LRRIQ1: variants seen among roughly 807,000 people sequenced by gnomAD.
LRRIQ1 encodes leucine-rich repeat- and IQ domain-containing protein 1.
In LRRIQ1, 210 loss-of-function variants were observed where a neutral mutation model predicts 211.9. The ratio of observed to expected loss-of-function variants is 0.99; its 90% CI spans 0.89 to 1.11. LRRIQ1 has a LOEUF of 1.11. Ranked by LOEUF, LRRIQ1 falls within the 50% of genes most tolerant of loss-of-function variation. LRRIQ1 has a pLI of 0.00. For synonymous variants in LRRIQ1, 699 were observed against 650.1 expected (o/e 1.08, Z -1.14); for missense variants, 2,136 against 1,939.5 (o/e 1.10, Z -1.90).
At chr12:85,179,112 A>G (rs1207231462) in intron 24 of LRRIQ1, among the ~76,000 whole-genome samples, 2 of 151,954 alleles carry the variant, frequency 1.3e-5, no homozygotes, top group African/African-American at 4.8e-5. Flanking sequence ...CTTTTTATTT[A>G]TACCATAAAG....
At chr12:85,233,239 G>A (rs779086955) in intron 26 of LRRIQ1, among the ~76,000 whole-genome samples, 7 of 152,026 alleles carry the variant, frequency 4.6e-5, no homozygotes, top group African/African-American at 7.2e-5. Context: ...GAATAAAGAC[G>A]CTATGCAGTA....
intron 24 of LRRIQ1, among the ~76,000 whole-genome samples, chr12:85,190,664 C>T (rs1440536212): frequency 2.0e-5 from 3 of 151,576 alleles, no homozygotes; most frequent in Non-Finnish European, 2.9e-5. Flanking sequence ...TGTAACTCTA[C>T]CACTTTAAAT....
At chr12:85,156,790 C>T (rs914373098) in intron 23 of LRRIQ1, among the ~76,000 whole-genome samples, 1 of 149,172 alleles carries the variant, frequency 6.7e-6, no homozygotes, top group African/African-American at 2.6e-5. Context: ...AAAACTGCTG[C>T]GAGACTAACT....
chr12:85,162,255 A>G (rs1890925583), intron 24 of LRRIQ1, among the ~76,000 whole-genome samples: 1 of 152,156 alleles, frequency 6.6e-6, no homozygotes, highest in Non-Finnish European at 1.5e-5. Context: ...ATATTTATGG[A>G]TTAATATTTT....
chr12:85,115,987 A>C (rs1887542268), intron 15 of LRRIQ1, among the ~76,000 whole-genome samples: 1 of 152,264 alleles, frequency 6.6e-6, no homozygotes, highest in Admixed American at 6.5e-5. Flanking sequence ...TGTACTCTCT[A>C]AATTCAGAGT....
chr12:85,171,442 C>T (rs373665220), intron 24 of LRRIQ1, among the ~76,000 whole-genome samples: 1 of 152,076 alleles, frequency 6.6e-6, no homozygotes, highest in Admixed American at 6.6e-5. Context: ...ACAATAAAAA[C>T]CACATCTTGG....
chr12:85,060,043 C>G (rs1281296009), intron 8 of LRRIQ1, among the ~76,000 whole-genome samples: 1 of 151,836 alleles, frequency 6.6e-6, no homozygotes, highest in Non-Finnish European at 1.5e-5. Flanking sequence ...GCTGTGACAC[C>G]TTATGCAAAT....
intron 24 of LRRIQ1, among the ~76,000 whole-genome samples, chr12:85,192,736 C>A (rs1362760566): frequency 1.1e-5 from 1 of 88,852 alleles, no homozygotes; most frequent in African/African-American, 4.8e-5. Flanking sequence ...TAGTTATATA[C>A]TATAATTATA....
intron 24 of LRRIQ1, among the ~76,000 whole-genome samples, chr12:85,220,954 C>T (rs1289631104): frequency 2.0e-5 from 3 of 151,764 alleles, no homozygotes; most frequent in Admixed American, 6.6e-5. Flanking sequence ...GGATTACAGG[C>T]GTGCAATACC....
At chr12:85,226,960 G>T (rs1031051125) in intron 24 of LRRIQ1, among the ~76,000 whole-genome samples, 4 of 151,962 alleles carry the variant, frequency 2.6e-5, no homozygotes, top group African/African-American at 9.7e-5. Flanking sequence ...CTAAGTCTTT[G>T]CTATTGGGAA....
chr12:85,098,134 T>G (rs1346543032), intron 11 of LRRIQ1, among the ~76,000 whole-genome samples: 1 of 152,156 alleles, frequency 6.6e-6, no homozygotes, highest in African/African-American at 2.4e-5. Context: ...TTTTAATTGA[T>G]AGATAATTAT....
At chr12:85,264,946 G>A (rs1896390830), downstream of LRRIQ1, among the ~76,000 whole-genome samples, 1 of 152,028 alleles carries the variant, frequency 6.6e-6, no homozygotes, top group Admixed American at 6.6e-5. Context: ...AGTAAGAATG[G>A]TAAAATGAAT....
At position 85,045,251 on chromosome 12, in the gene LRRIQ1, TAAG is replaced by T. The variant is rs1879398748; in HGVS notation, c.336+447_336+449del. Among the ~76,000 whole-genome samples the T allele has an allele frequency of 9.2e-5, 14 of 151,984 alleles. 2 individuals are homozygous for T. In the South Asian group the frequency reaches 2.9e-3, roughly 31 times the overall value. ...ATAAAAGAAAAACTTACTTAAAAAA[TAAG>T]AAGAGCCTTAGCAGTTTAAGTTAAA... On this transcript the variant is annotated intron_variant, in intron 4 of 26. Coordinates refer to ENST00000393217, the MANE Select transcript of LRRIQ1 (RefSeq NM_001079910.2).
chr12:85,264,643 A>AC (rs942172598), downstream of LRRIQ1, among the ~76,000 whole-genome samples: 4 of 152,068 alleles, frequency 2.6e-5, no homozygotes, highest in African/African-American at 4.8e-5. Flanking sequence ...AAGAAATCAA[A>AC]CCAAGAAATA....
rs1879486857 is a variant in LRRIQ1 at position 85,045,880 on chromosome 12, G to T, written c.337-140G>T. 9.0e-6 allele frequency: 4 copies of T among 444,314 alleles called. No homozygotes were observed. In the South Asian group the frequency reaches 1.9e-4, roughly 21 times the overall value. The allele number at this position is 444,314 out of a possible 1,614,324, so 27.5% of individuals were successfully genotyped here. A position where few individuals can be genotyped will look rare whatever the true frequency, so the allele number is the denominator to read the frequency against. On this transcript the variant is annotated intron_variant, in intron 4 of 26. Transcript: ENST00000393217. ...TAAAGAGAATAATTATCAATGTGCT[G>T]CAGATTTGTATTTGAGAGATATCTG...
intron 24 of LRRIQ1, among the ~76,000 whole-genome samples, chr12:85,185,169 T>G (rs2136906542): frequency 6.6e-6 from 1 of 152,048 alleles, no homozygotes; most frequent in Admixed American, 6.6e-5. Flanking sequence ...ACATTTTTAT[T>G]GATAATATAT....
intron 1 of LRRIQ1, among the ~76,000 whole-genome samples, chr12:85,256,737 T>A (rs142262836): frequency 4.1e-4 from 62 of 151,464 alleles, no homozygotes; most frequent in African/African-American, 1.3e-3. Context: ...TCTAACATTA[T>A]GTGGCTCACA....
At chr12:85,077,858 C>A (rs1307482229) in intron 11 of LRRIQ1, among the ~76,000 whole-genome samples, 1 of 151,916 alleles carries the variant, frequency 6.6e-6, no homozygotes, top group Non-Finnish European at 1.5e-5. Context: ...TGGGCTGGTG[C>A]ATGCTTGTAG....
chr12:85,168,083 G>C (rs1001537346), intron 24 of LRRIQ1, among the ~76,000 whole-genome samples: 7 of 152,166 alleles, frequency 4.6e-5, no homozygotes, highest in African/African-American at 1.4e-4. Context: ...AATGAAATAA[G>C]AAGAAAATAC....
Sources: allele counts gnomAD v4.1 joint callset (sites outside exome capture counted in the v4.1 genomes callset), GRCh38; gene constraint gnomAD v4.1.1; transcripts MANE v1.5; gene names NCBI Gene and HGNC (gene_info 2026-07-23, HGNC 2026-07-21).